Variants in RALGPS1 observed in about 807,000 individuals in gnomAD.
RALGPS1 encodes ras-specific guanine nucleotide-releasing factor RalGPS1.
In RALGPS1, 19 loss-of-function variants were observed where a neutral mutation model predicts 78.8. The observed-to-expected ratio is 0.24, with a 90% CI of 0.17 to 0.35. The LOEUF (loss-of-function observed/expected upper bound fraction) is 0.35. RALGPS1 is among the 10% of genes least tolerant of loss of function. RALGPS1 has a pLI of 1.00. For missense variants in RALGPS1, 454 were observed against 688.3 expected, an observed-to-expected ratio of 0.66 and a Z score of 3.81; for synonymous variants, 228 against 256.3, an observed-to-expected ratio of 0.89 and a Z score of 1.06.
At chr9:127,046,508 T>C (rs1246348044) in intron 5 of RALGPS1, among the ~76,000 whole-genome samples, 2 of 152,174 alleles carry the variant, frequency 1.3e-5, no homozygotes, top group Admixed American at 1.3e-4. Context: ...CAAAATGTTA[T>C]TGATTTCGAT....
intron 4 of RALGPS1, chr9:126,990,251 T>G (rs573031124): frequency 3.8e-4 from 187 of 489,958 alleles, no homozygotes; most frequent in African/African-American, 3.2e-3. Context: ...TCAGACCATC[T>G]CTCTCTGCTA....
intron 1 of RALGPS1, among the ~76,000 whole-genome samples, chr9:126,956,530 A>T (rs2038355710): frequency 6.6e-6 from 1 of 152,150 alleles, no homozygotes; most frequent in African/African-American, 2.4e-5. Context: ...GACCTCCCGT[A>T]TAAAGCATAA....
At position 127,041,029 on chromosome 9, in the gene RALGPS1, A is replaced by G. The variant is rs1008007247; in HGVS notation, c.300+6515A>G. On this transcript the variant is annotated intron_variant, in intron 5 of 18. Coordinates refer to ENST00000259351, the MANE Select transcript of RALGPS1 (RefSeq NM_014636.3). ...AACTATGAATAAAGCTGCTACAAACATTTGTGTGTGTGTGTGTGTGTGTGT... is the reference window on the plus strand; with the variant it reads ...AACTATGAATAAAGCTGCTACAAACGTTTGTGTGTGTGTGTGTGTGTGTGT... Among the ~76,000 whole-genome samples, 23 of 30,642 alleles carry G rather than the reference A, an allele frequency of 7.5e-4. No individual in the cohort carries two copies. In the East Asian group the frequency reaches 0.013, roughly 18 times the overall value. The allele number at this position is 30,642 out of a possible 152,430, so 20.1% of individuals were successfully genotyped here.
intron 11 of RALGPS1, among the ~76,000 whole-genome samples, chr9:127,176,652 T>A (rs1269493192): frequency 6.6e-6 from 1 of 152,214 alleles, no homozygotes; most frequent in Non-Finnish European, 1.5e-5. Flanking sequence ...ATGAGCCACA[T>A]CCCTGGACTT....
At chr9:126,938,189 G>A (rs2036433802) in intron 1 of RALGPS1, among the ~76,000 whole-genome samples, 1 of 152,148 alleles carries the variant, frequency 6.6e-6, no homozygotes, top group Admixed American at 6.6e-5. Context: ...AAGAAGGGGA[G>A]CACCCATCAG....
At chr9:127,073,974 C>G (rs910152127) in intron 8 of RALGPS1, among the ~76,000 whole-genome samples, 1 of 152,142 alleles carries the variant, frequency 6.6e-6, no homozygotes, top group African/African-American at 2.4e-5. Flanking sequence ...CTCTGCCTCC[C>G]GGGTTCAAGC....
chr9:126,944,223 A>G (rs2037044885), intron 1 of RALGPS1, among the ~76,000 whole-genome samples: 1 of 152,210 alleles, frequency 6.6e-6, no homozygotes, highest in African/African-American at 2.4e-5. Flanking sequence ...AGTTCACCAC[A>G]CATCTCACAG....
chr9:127,207,412 G>A (rs139943994), intron 14 of RALGPS1, among the ~76,000 whole-genome samples: 2,498 of 152,228 alleles, frequency 0.016, 25 homozygotes, highest in Middle Eastern at 0.034. Context: ...GCCTTCCTAG[G>A]ACACTGTGTT....
chr9:127,053,860 G>A (rs767029430), intron 7 of RALGPS1, among the ~76,000 whole-genome samples: 2 of 152,206 alleles, frequency 1.3e-5, no homozygotes, highest in Admixed American at 1.3e-4. Context: ...AGTAGAGTGA[G>A]AAGTTTTAGC....
chr9:127,206,846 C>T (rs1187150528), intron 14 of RALGPS1, among the ~76,000 whole-genome samples: 2 of 152,084 alleles, frequency 1.3e-5, no homozygotes, highest in Non-Finnish European at 2.9e-5. Flanking sequence ...ACCTGCTTGA[C>T]TAGTCTGAAT....
intron 1 of RALGPS1, among the ~76,000 whole-genome samples, chr9:126,923,421 C>T (rs1031777254): frequency 5.3e-5 from 8 of 152,030 alleles, no homozygotes; most frequent in African/African-American, 7.3e-5. Context: ...TTGTAGAAGT[C>T]GCAGGTGAGA....
intron 3 of RALGPS1, among the ~76,000 whole-genome samples, chr9:126,976,372 C>T (rs1318613181): frequency 6.8e-6 from 1 of 146,042 alleles, no homozygotes; most frequent in Non-Finnish European, 1.5e-5. Flanking sequence ...CACACATACA[C>T]ACACTTATAC....
intron 5 of RALGPS1, among the ~76,000 whole-genome samples, chr9:127,045,746 C>CACACACACACACAT (rs2047697384): frequency 9.4e-6 from 1 of 106,460 alleles, no homozygotes; most frequent in Non-Finnish European, 1.9e-5. Flanking sequence ...CACACACACA[C>CACACACACACACAT]ACACACACAC....
At chr9:127,158,617 CTG>C (rs1471072836) in intron 8 of RALGPS1, among the ~76,000 whole-genome samples, 1 of 152,026 alleles carries the variant, frequency 6.6e-6, no homozygotes, top group Non-Finnish European at 1.5e-5. Flanking sequence ...CTTTGCTAGA[CTG>C]TTGATTTTTT....
At chr9:127,165,982 T>G (rs936911534) in intron 8 of RALGPS1, 87 bp from the exon 9 acceptor site, 1 of 1,457,736 alleles carries the variant, frequency 6.9e-7, no homozygotes, top group Non-Finnish European at 9.0e-7. Flanking sequence ...CCCTTTATAT[T>G]TTTTAGCAGA....
At chr9:126,928,823 A>G (rs1362495131) in intron 1 of RALGPS1, among the ~76,000 whole-genome samples, 2 of 152,014 alleles carry the variant, frequency 1.3e-5, no homozygotes, top group Non-Finnish European at 2.9e-5. Flanking sequence ...GCTGATCACA[A>G]ACTCCTGACC....
chr9:127,163,683 C>T (rs2059143608), intron 8 of RALGPS1, among the ~76,000 whole-genome samples: 1 of 152,216 alleles, frequency 6.6e-6, no homozygotes, highest in South Asian at 2.1e-4. Flanking sequence ...TTACCAGCTG[C>T]ATGACCTTGA....
intron 1 of RALGPS1, among the ~76,000 whole-genome samples, chr9:126,952,526 G>T (rs1411749193): frequency 6.6e-6 from 1 of 152,070 alleles, no homozygotes; most frequent in African/African-American, 2.4e-5. Flanking sequence ...TACACAAGGG[G>T]GCCTTTCTTG....
intron 9 of RALGPS1, among the ~76,000 whole-genome samples, chr9:127,166,865 G>T (rs1252400431): frequency 6.6e-6 from 1 of 152,220 alleles, no homozygotes; most frequent in African/African-American, 2.4e-5. Context: ...TGGAGATGAT[G>T]TCAGAATGCT....
Sources: gnomAD v4.1 joint callset for allele counts (sites outside exome capture counted in the v4.1 genomes callset) on GRCh38, gnomAD v4.1.1 for gene constraint, MANE v1.5 for transcripts, NCBI Gene and HGNC (gene_info 2026-07-23, HGNC 2026-07-21) for gene names.